GALNT14: variants seen among roughly 807,000 people sequenced by gnomAD.
GALNT14 encodes UDP-GalNAc:polypeptide N-acetylgalactosaminyltransferase 14.
GALNT14 carries 60 observed loss-of-function variants against 77.5 expected under a neutral mutation model. The observed-to-expected ratio is 0.77, with a 90% confidence interval of 0.63 to 0.96. The LOEUF (loss-of-function observed/expected upper bound fraction) is 0.96, where lower values mean the gene tolerates loss of function less well. Among genes scored for constraint, GALNT14 ranks in the 40% least tolerant of loss-of-function variants. GALNT14 has a pLI of 0.00. For missense variants in GALNT14, 710 were observed against 731.0 expected (o/e 0.97, Z 0.33); for synonymous variants, 280 against 281.7 (o/e 0.99, Z 0.06).
intron 1 of GALNT14, among the ~76,000 whole-genome samples, chr2:31,058,835 A>G (rs1674405614): frequency 6.6e-6 from 1 of 152,222 alleles, no homozygotes; most frequent in Admixed American, 6.5e-5. Context: ...TCCAAAGTCA[A>G]TTATCTGCCA....
At chr2:30,937,151 G>C (rs1330049492) in intron 9 of GALNT14, among the ~76,000 whole-genome samples, 1 of 152,230 alleles carries the variant, frequency 6.6e-6, no homozygotes, top group Non-Finnish European at 1.5e-5. Flanking sequence ...TGGAAAGGGT[G>C]AGGCTGAAAG....
chr2:30,929,582 G>A, intron 10 of GALNT14, 95 bp from the exon 11 acceptor site: 1 of 860,202 alleles, frequency 1.2e-6, no homozygotes, highest in East Asian at 2.7e-5. Context: ...GGCTGAGTTG[G>A]CAACACCACC....
chr2:31,019,975 T>C (rs750113904), intron 1 of GALNT14, among the ~76,000 whole-genome samples: 2 of 152,174 alleles, frequency 1.3e-5, no homozygotes, highest in Non-Finnish European at 2.9e-5. Context: ...GTCTACCCTA[T>C]GAATATATCT....
In GALNT14 at chr2:31,138,146, A is replaced by G; in HGVS notation, c.-60T>C. Reference sequence around the variant, plus strand: ...GTCCCGGGGGCACCCCCCGGCGGTCAGGGTTGGCGGGGCAGGAGTCCTGGC... The same window carrying G: ...GTCCCGGGGGCACCCCCCGGCGGTCGGGGTTGGCGGGGCAGGAGTCCTGGC... On this transcript the variant is annotated 5_prime_UTR_variant, in exon 1 of 15. Coordinates refer to ENST00000349752, the MANE Select transcript of GALNT14 (RefSeq NM_024572.4). 1 of 1,610,664 alleles carries G rather than the reference A, an allele frequency of 6.2e-7. No individual in the cohort carries two copies. Among genetic ancestry groups the G allele is most frequent in the Non-Finnish European group, 8.5e-7 (1 of 1,178,164 alleles).
At chr2:31,101,560 A>T (rs1457225342) in intron 1 of GALNT14, among the ~76,000 whole-genome samples, 5 of 152,006 alleles carry the variant, frequency 3.3e-5, no homozygotes, top group African/African-American at 1.2e-4. Context: ...TTTTCTTGAA[A>T]AAAATCCACT....
intron 1 of GALNT14, among the ~76,000 whole-genome samples, chr2:31,123,889 C>G (rs1678547666): frequency 6.6e-6 from 1 of 152,188 alleles, no homozygotes; most frequent in Non-Finnish European, 1.5e-5. Context: ...TTTTGCAGTT[C>G]CTTCCACCAT....
intron 1 of GALNT14, among the ~76,000 whole-genome samples, chr2:30,999,479 C>T (rs113552015): frequency 1.2e-4 from 19 of 152,268 alleles, no homozygotes; most frequent in African/African-American, 3.6e-4. Context: ...TTTGCACCTC[C>T]GAAAAATTAA....
chr2:31,037,829 T>C (rs1672835712), intron 1 of GALNT14, among the ~76,000 whole-genome samples: 1 of 151,914 alleles, frequency 6.6e-6, no homozygotes. Flanking sequence ...GAGCACACTT[T>C]CTACACTAGC....
At chr2:31,104,897 T>G (rs540863176) in intron 1 of GALNT14, among the ~76,000 whole-genome samples, 2 of 152,340 alleles carry the variant, frequency 1.3e-5, no homozygotes, top group East Asian at 3.9e-4. Context: ...AATTTTACCA[T>G]GTTTCCATGT....
At chr2:30,941,181 G>A (rs1666357743) in intron 9 of GALNT14, among the ~76,000 whole-genome samples, 1 of 152,198 alleles carries the variant, frequency 6.6e-6, no homozygotes, top group East Asian at 1.9e-4. Flanking sequence ...ATGTGCCACG[G>A]TACCCAGAGA....
intron 1 of GALNT14, among the ~76,000 whole-genome samples, chr2:30,993,578 C>T (rs1312565793): frequency 1.3e-5 from 2 of 152,200 alleles, no homozygotes; most frequent in African/African-American, 4.8e-5. Flanking sequence ...CTCACCACCA[C>T]CCTATCTGTT....
At chr2:30,912,858 G>A (rs1294483707) in intron 13 of GALNT14, among the ~76,000 whole-genome samples, 1 of 152,166 alleles carries the variant, frequency 6.6e-6, no homozygotes, top group Non-Finnish European at 1.5e-5. Context: ...AGAGGCAGAT[G>A]GAAGGATAAA....
At chr2:31,108,850 C>T (rs1452802441) in intron 1 of GALNT14, among the ~76,000 whole-genome samples, 1 of 152,216 alleles carries the variant, frequency 6.6e-6, no homozygotes, top group African/African-American at 2.4e-5. Context: ...AAGGCAAGCA[C>T]AGCACAGGTT....
At chr2:31,113,040 A>G (rs1677919862) in intron 1 of GALNT14, among the ~76,000 whole-genome samples, 1 of 152,216 alleles carries the variant, frequency 6.6e-6, no homozygotes, top group Non-Finnish European at 1.5e-5. Flanking sequence ...CCTCTCTTAG[A>G]CTGTGGCAGG....
intron 1 of GALNT14, among the ~76,000 whole-genome samples, chr2:31,048,007 G>T (rs1052246204): frequency 2.6e-5 from 4 of 152,228 alleles, no homozygotes; most frequent in Non-Finnish European, 4.4e-5. Context: ...AGTTCCCTGG[G>T]ACTCCAGCTT....
At chr2:30,921,636 G>A (rs1272545431) in intron 13 of GALNT14, among the ~76,000 whole-genome samples, 2 of 152,210 alleles carry the variant, frequency 1.3e-5, no homozygotes, top group Admixed American at 6.5e-5. Context: ...TGTCTGTGCT[G>A]AGACTGGGAA....
intron 2 of GALNT14, chr2:30,991,236 A>T (rs181092844): frequency 6.6e-6 from 1 of 152,104 alleles, no homozygotes; most frequent in East Asian, 1.9e-4. Context: ...CCTGGCTAGG[A>T]GAACTCCCTT....
At chr2:31,065,749 G>C (rs1674908435) in intron 1 of GALNT14, among the ~76,000 whole-genome samples, 1 of 152,190 alleles carries the variant, frequency 6.6e-6, no homozygotes, top group African/African-American at 2.4e-5. Flanking sequence ...CTCTGACCTT[G>C]AGATAGACCA....
At chr2:31,052,133 A>G (rs1311919787) in intron 1 of GALNT14, among the ~76,000 whole-genome samples, 1 of 152,044 alleles carries the variant, frequency 6.6e-6, no homozygotes, top group Non-Finnish European at 1.5e-5. Context: ...CTTCACCTGA[A>G]TGTCCTTGGC....
Sources: allele counts gnomAD v4.1 joint callset (sites outside exome capture counted in the v4.1 genomes callset), GRCh38; gene constraint gnomAD v4.1.1; transcripts MANE v1.5; gene names NCBI Gene and HGNC (gene_info 2026-07-23, HGNC 2026-07-21).